The following SLIT3 variants were observed in gnomAD, a reference collection of about 807,000 sequenced individuals.
SLIT3 encodes the protein slit homolog 3 protein.
In SLIT3, 68 loss-of-function variants were observed where a neutral mutation model predicts 184.0. The ratio of observed to expected loss-of-function variants is 0.37; its 90% CI spans 0.30 to 0.45. The LOEUF (loss-of-function observed/expected upper bound fraction) is 0.45, where lower values mean the gene tolerates loss of function less well. SLIT3 is among the 20% of genes least tolerant of loss of function. The probability of loss-of-function intolerance (pLI) is 1.00; values close to 1 mark genes in which losing one functional copy is unlikely to be tolerated. For synonymous variants in SLIT3, 831 were observed against 828.6 expected (o/e 1.00, Z -0.05); for missense variants, 1,707 against 2,026.0 (o/e 0.84, Z 3.02).
At chr5:169,277,970 G>GT (rs1352596799) in intron 1 of SLIT3, among the ~76,000 whole-genome samples, 1 of 152,200 alleles carries the variant, frequency 6.6e-6, no homozygotes, top group Non-Finnish European at 1.5e-5. Context: ...TGATGAGCCT[G>GT]TTTTTTGTAA....
chr5:168,742,169 TG>T (rs971137086), intron 20 of SLIT3, among the ~76,000 whole-genome samples: 2 of 124,880 alleles, frequency 1.6e-5, no homozygotes, highest in Non-Finnish European at 3.3e-5. Flanking sequence ...ATGTGGCTTC[TG>T]GGGGCAGGAG....
intron 4 of SLIT3, among the ~76,000 whole-genome samples, chr5:169,036,671 C>T (rs1162852520): frequency 1.3e-5 from 2 of 151,746 alleles, no homozygotes; most frequent in African/African-American, 4.8e-5. Flanking sequence ...TTTTTTTTGG[C>T]GGCGTCTGTG....
At chr5:169,041,527 G>A (rs1353550524) in intron 4 of SLIT3, among the ~76,000 whole-genome samples, 5 of 152,158 alleles carry the variant, frequency 3.3e-5, no homozygotes, top group African/African-American at 9.7e-5. Context: ...CATTTACAGC[G>A]CTCTCAGCAC....
chr5:169,214,943 C>A, intron 3 of SLIT3, among the ~76,000 whole-genome samples: 1 of 152,146 alleles, frequency 6.6e-6, no homozygotes, highest in East Asian at 1.9e-4. Context: ...TTCCCCTGGT[C>A]CAGGCTGCCA....
At position 169,091,077 on chromosome 5, in the gene SLIT3, A is replaced by C. The variant is rs1013057636; in HGVS notation, c.413+102402T>G. On this transcript the variant is annotated intron_variant, in intron 4 of 35. Transcript: ENST00000519560. Reference sequence around the variant, plus strand: ...GGGCAGAATTAGATCTTGGAGAGAGAGCGCCCTAGTTCTCAACATTGTGAC... The same window carrying C: ...GGGCAGAATTAGATCTTGGAGAGAGCGCGCCCTAGTTCTCAACATTGTGAC... 9.2e-5 allele frequency among the ~76,000 whole-genome samples: 14 copies of C among 152,162 alleles called. 1 individual carries two copies. The highest frequency in any genetic ancestry group is 1.5e-4 in the Non-Finnish European group (10 of 68,042).
intron 25 of SLIT3, among the ~76,000 whole-genome samples, chr5:168,710,435 T>G (rs1762518572): frequency 6.6e-6 from 1 of 152,052 alleles, no homozygotes; most frequent in Admixed American, 6.6e-5. Flanking sequence ...AATGCTTATG[T>G]TTTAATAATG....
intron 4 of SLIT3, among the ~76,000 whole-genome samples, chr5:169,173,732 T>G (rs1037494987): frequency 8.5e-5 from 13 of 152,260 alleles, no homozygotes; most frequent in Non-Finnish European, 7.3e-5. Flanking sequence ...TGCATGGCAC[T>G]CTAGGCCTGA....
intron 4 of SLIT3, among the ~76,000 whole-genome samples, chr5:169,166,873 T>G: frequency 6.6e-6 from 1 of 152,148 alleles, no homozygotes; most frequent in East Asian, 1.9e-4. Flanking sequence ...CCTTTGTTAA[T>G]AACAATGACT....
At chr5:168,819,719 T>C (rs1329545769) in intron 7 of SLIT3, among the ~76,000 whole-genome samples, 1 of 152,222 alleles carries the variant, frequency 6.6e-6, no homozygotes, top group Non-Finnish European at 1.5e-5. Flanking sequence ...AATAAAAATG[T>C]CAGAGGTTTC....
intron 32 of SLIT3, among the ~76,000 whole-genome samples, chr5:168,675,491 C>T (rs1561868585): frequency 6.6e-6 from 1 of 152,160 alleles, no homozygotes; most frequent in African/African-American, 2.4e-5. Context: ...GTCTCAGTTT[C>T]CTCATCTGTA....
chr5:169,177,548 G>A (rs1278379971), intron 4 of SLIT3, among the ~76,000 whole-genome samples: 2 of 152,148 alleles, frequency 1.3e-5, no homozygotes, highest in Admixed American at 6.5e-5. Context: ...TAGTAGGTAA[G>A]CAGGGTGCAG....
intron 28 of SLIT3, 84 bp from the exon 29 acceptor site, chr5:168,692,784 C>A: frequency 2.0e-6 from 2 of 976,056 alleles, no homozygotes; most frequent in South Asian, 1.4e-5. Context: ...GGGGGGATAT[C>A]CTGGCCAGAA....
chr5:169,127,457 T>C (rs546742801), intron 4 of SLIT3, among the ~76,000 whole-genome samples: 1 of 152,302 alleles, frequency 6.6e-6, no homozygotes, highest in Admixed American at 6.5e-5. Flanking sequence ...GGTTTTCAAA[T>C]AGAATGTGGA....
chr5:169,153,052 C>A (rs577631867), intron 4 of SLIT3, among the ~76,000 whole-genome samples: 1 of 152,344 alleles, frequency 6.6e-6, no homozygotes, highest in Admixed American at 6.5e-5. Context: ...ATAGTCATCC[C>A]TGCTCTGATT....
At chr5:168,842,190 T>C (rs1394519653) in intron 6 of SLIT3, among the ~76,000 whole-genome samples, 2 of 152,174 alleles carry the variant, frequency 1.3e-5, no homozygotes, top group Non-Finnish European at 1.5e-5. Context: ...ACCATTAAGA[T>C]GGATGGTTTC....
chr5:168,808,660 G>C (rs1166111156), intron 8 of SLIT3, among the ~76,000 whole-genome samples: 3 of 152,142 alleles, frequency 2.0e-5, no homozygotes, highest in Non-Finnish European at 2.9e-5. Context: ...AGTGAATAAG[G>C]AGTTTGGATT....
intron 7 of SLIT3, among the ~76,000 whole-genome samples, chr5:168,821,475 T>C (rs1323201378): frequency 6.6e-6 from 1 of 152,192 alleles, no homozygotes; most frequent in Non-Finnish European, 1.5e-5. Flanking sequence ...GTCCCACTTT[T>C]CCCCAGCTCA....
chr5:169,299,178 T>G (rs956990580), intron 1 of SLIT3, among the ~76,000 whole-genome samples: 1 of 152,200 alleles, frequency 6.6e-6, no homozygotes, highest in Non-Finnish European at 1.5e-5. Flanking sequence ...CCTTTAGGAT[T>G]CTGTGGTTCA....
intron 12 of SLIT3, among the ~76,000 whole-genome samples, chr5:168,781,030 C>T (rs1755951225): frequency 6.6e-6 from 1 of 152,188 alleles, no homozygotes; most frequent in Non-Finnish European, 1.5e-5. Context: ...GTGGCTCTTC[C>T]CTTCTCTCCT....
Sources: allele counts gnomAD v4.1 joint callset (sites outside exome capture counted in the v4.1 genomes callset), GRCh38; gene constraint gnomAD v4.1.1; transcripts MANE v1.5; gene names NCBI Gene and HGNC (gene_info 2026-07-23, HGNC 2026-07-21).